ZNF273: variants seen among roughly 807,000 people sequenced by gnomAD.
ZNF273 encodes the protein zinc finger protein 9.
ZNF273 carries 11 observed loss-of-function variants against 14.9 expected under a neutral mutation model. That is an observed-to-expected ratio of 0.74 (90% CI 0.46 to 1.22). The LOEUF (loss-of-function observed/expected upper bound fraction) is 1.22. Among genes scored for constraint, ZNF273 ranks in the 50% most tolerant of loss-of-function variants. ZNF273 has a pLI of 0.00. For synonymous variants in ZNF273, 199 were observed against 223.9 expected (o/e 0.89, Z 0.99); for missense variants, 577 against 660.6 (o/e 0.87, Z 1.39).
At chr7:64,892,839 G>C (rs1029770471), downstream of ZNF273, among the ~76,000 whole-genome samples, 3 of 152,168 alleles carry the variant, frequency 2.0e-5, no homozygotes, top group Non-Finnish European at 4.4e-5. Flanking sequence ...AATTTGCATA[G>C]GTGGCAAATT....
downstream of ZNF273, among the ~76,000 whole-genome samples, chr7:64,932,053 A>G (rs932698668): frequency 2.0e-5 from 3 of 152,032 alleles, no homozygotes; most frequent in Non-Finnish European, 4.4e-5. Flanking sequence ...GTCATTTCAC[A>G]TGGTAATTTA....
At chr7:64,903,610 C>G (rs1792884168) in intron 1 of ZNF273, among the ~76,000 whole-genome samples, 191 bp downstream of exon 1, 1 of 152,180 alleles carries the variant, frequency 6.6e-6, no homozygotes, top group African/African-American at 2.4e-5. Flanking sequence ...AGCCGGGATC[C>G]CGGGCGTCCT....
upstream of ZNF273, among the ~76,000 whole-genome samples, chr7:64,902,211 T>G (rs1232214030): frequency 6.6e-6 from 1 of 151,760 alleles, no homozygotes; most frequent in Non-Finnish European, 1.5e-5. Context: ...TCTTCCTTTT[T>G]TTTTTAAGTT....
At chr7:64,936,568 ATTGT>A in the ZNF273 span, among the ~76,000 whole-genome samples, 2 of 152,240 alleles carry the variant, frequency 1.3e-5, no homozygotes, top group African/African-American at 4.8e-5. Context: ...TTGGTAAAAG[ATTGT>A]TTATTTATAG....
downstream of ZNF273, among the ~76,000 whole-genome samples, chr7:64,880,730 T>C (rs1457198537): frequency 3.9e-5 from 6 of 152,160 alleles, no homozygotes; most frequent in African/African-American, 1.2e-4. Context: ...TATATCCCCA[T>C]GCAAAGCAGC....
At chr7:64,908,271 C>T (rs193227620) in intron 1 of ZNF273, among the ~76,000 whole-genome samples, 6 of 152,314 alleles carry the variant, frequency 3.9e-5, no homozygotes, top group Admixed American at 2.6e-4. Context: ...ATATTTGGTT[C>T]GTGGTACACG....
downstream of ZNF273, chr7:64,889,297 T>C (rs1413850727): frequency 4.1e-5 from 39 of 952,354 alleles, no homozygotes; most frequent in Non-Finnish European, 4.7e-5. This position sits in a 1 kb window ranked among gnomAD's most constrained non-coding sequence, Gnocchi z 4.2. Flanking sequence ...GTCCAGGCTC[T>C]CGCCCGCCGG....
At chr7:64,894,313 G>T (rs1202454899), downstream of ZNF273, among the ~76,000 whole-genome samples, 2 of 151,996 alleles carry the variant, frequency 1.3e-5, no homozygotes, top group East Asian at 1.9e-4. Flanking sequence ...CCAATCATTT[G>T]TTTTTTTAAA....
chr7:64,905,813 C>G (rs1044557828), intron 1 of ZNF273, among the ~76,000 whole-genome samples: 1 of 152,118 alleles, frequency 6.6e-6, no homozygotes, highest in Non-Finnish European at 1.5e-5. Flanking sequence ...AGCACTGCCA[C>G]TCTCTGGGGG....
chr7:64,910,560 A>G (rs907155414), intron 1 of ZNF273, among the ~76,000 whole-genome samples: 2 of 151,906 alleles, frequency 1.3e-5, no homozygotes, highest in African/African-American at 2.4e-5. Context: ...GTTTTGTACC[A>G]GTACCATGCT....
chr7:64,909,546 C>T (rs989900851), intron 1 of ZNF273, among the ~76,000 whole-genome samples: 11 of 152,082 alleles, frequency 7.2e-5, no homozygotes, highest in Admixed American at 4.6e-4. Context: ...TTTCTTTATC[C>T]GGTCTACTAT....
chr7:64,918,428 C>A (rs7796966), intron 3 of ZNF273, 136 bp downstream of exon 3: 2 of 758,062 alleles, frequency 2.6e-6, no homozygotes, highest in Admixed American at 3.4e-5. Flanking sequence ...TTTGGGAGGC[C>A]GAGGCGGGCG....
At chr7:64,922,047 A>G (rs1164329259) in intron 3 of ZNF273, among the ~76,000 whole-genome samples, 5 of 151,574 alleles carry the variant, frequency 3.3e-5, no homozygotes, top group African/African-American at 4.9e-5. Context: ...ATTTGACTCA[A>G]TGCTAAAATG....
chr7:64,931,484 AAG>A (rs947788662), downstream of ZNF273, among the ~76,000 whole-genome samples: 5 of 152,152 alleles, frequency 3.3e-5, no homozygotes, highest in Admixed American at 3.3e-4. Context: ...AGTGCACAAA[AAG>A]TAATTTTTAG....
At chr7:64,920,075 T>C (rs1036906037) in intron 3 of ZNF273, among the ~76,000 whole-genome samples, 1 of 152,118 alleles carries the variant, frequency 6.6e-6, no homozygotes, top group Non-Finnish European at 1.5e-5. Context: ...AAGATCTTTT[T>C]ATGTTGGGCC....
chr7:64,903,539 T>G, intron 1 of ZNF273, 120 bp downstream of exon 1: 1 of 1,042,142 alleles, frequency 9.6e-7, no homozygotes, highest in Non-Finnish European at 1.5e-6. Flanking sequence ...CGGCCAGGAG[T>G]TCTCCTTGGC....
chr7:64,921,605 C>CCTTTTT (rs1794451548), intron 3 of ZNF273, among the ~76,000 whole-genome samples: 5 of 57,928 alleles, frequency 8.6e-5, no homozygotes, highest in African/African-American at 3.3e-4. Flanking sequence ...CATGCTAATG[C>CCTTTTT]TTTTTTTTTT....
chr7:64,916,140 GATCAGAGATTGC>G lies in ZNF273; in HGVS notation c.103-1436_103-1425del, dbSNP rs557204399. 3.9e-3 allele frequency among the ~76,000 whole-genome samples: 588 copies of G among 152,172 alleles called. 11 individuals carry two copies. The highest frequency in any genetic ancestry group is 0.014 in the African/African-American group (569 of 41,522). On this transcript the variant is annotated intron_variant, in intron 1 of 3. Transcript: ENST00000476120. ...GAGCCTGAGAGGCAGAGGTTGTAGT[GATCAGAGATTGC>G]ATCACTGTACTCCAGCCTGGGCAAC...
At chr7:64,895,281 A>T (rs951782644) in intron 3 of ZNF273, among the ~76,000 whole-genome samples, 1 of 152,236 alleles carries the variant, frequency 6.6e-6, no homozygotes, top group African/African-American at 2.4e-5. Flanking sequence ...GTGTTCAAAA[A>T]TTTTTAGTTT....
Sources: allele counts gnomAD v4.1 joint callset (sites outside exome capture counted in the v4.1 genomes callset), GRCh38; gene constraint gnomAD v4.1.1; non-coding constraint Gnocchi (gnomAD v3.1); transcripts MANE v1.5; gene names NCBI Gene and HGNC (gene_info 2026-07-23, HGNC 2026-07-21).